ANO4: variants seen among roughly 807,000 people sequenced by gnomAD.
ANO4 encodes anoctamin-4.
Under a neutral mutation model 141.9 loss-of-function variants are expected in ANO4, and 69 were observed. The ratio of observed to expected loss-of-function variants is 0.49; its 90% CI spans 0.40 to 0.59. The LOEUF (loss-of-function observed/expected upper bound fraction) is 0.59. ANO4 is among the 20% of genes least tolerant of loss of function. The probability of loss-of-function intolerance (pLI) is 0.00; values close to 1 mark genes in which losing one functional copy is unlikely to be tolerated. For synonymous variants in ANO4, 350 were observed against 394.3 expected, an observed-to-expected ratio of 0.89 and a Z score of 1.33; for missense variants, 894 against 1,162.2, an observed-to-expected ratio of 0.77 and a Z score of 3.36.
At chr12:100,812,841 G>A (rs1015402110) in intron 1 of ANO4, among the ~76,000 whole-genome samples, 1 of 152,184 alleles carries the variant, frequency 6.6e-6, no homozygotes, top group Non-Finnish European at 1.5e-5. Flanking sequence ...AGACAATTTT[G>A]TGTTAATAGC....
intron 1 of ANO4, among the ~76,000 whole-genome samples, chr12:100,872,223 T>A (rs1251498458): frequency 6.6e-6 from 1 of 152,208 alleles, no homozygotes; most frequent in Non-Finnish European, 1.5e-5. Context: ...TAAGACTTTG[T>A]TCCCACCTTT....
intron 1 of ANO4, among the ~76,000 whole-genome samples, chr12:100,728,361 G>A (rs2031231186): frequency 6.6e-6 from 1 of 152,196 alleles, no homozygotes; most frequent in African/African-American, 2.4e-5. Context: ...ATCTTGTTCT[G>A]TATGGAGCCT....
At chr12:100,952,378 T>A (rs1228686548) in intron 5 of ANO4, among the ~76,000 whole-genome samples, 1 of 152,222 alleles carries the variant, frequency 6.6e-6, no homozygotes, top group East Asian at 1.9e-4. Flanking sequence ...AATTACAATA[T>A]GCTTAGGAAA....
intron 15 of ANO4, among the ~76,000 whole-genome samples, chr12:101,079,805 A>G (rs1237512939): frequency 6.9e-6 from 1 of 145,378 alleles, no homozygotes. Flanking sequence ...GCTCTAGACA[A>G]AACTGCCAAG....
chr12:100,888,995 G>A (rs2135982708), intron 1 of ANO4, among the ~76,000 whole-genome samples: 1 of 150,626 alleles, frequency 6.6e-6, no homozygotes, highest in African/African-American at 2.4e-5. Flanking sequence ...TCGTCATTTA[G>A]CATTAGGTAT....
At chr12:100,741,557 C>T (rs1266190738) in intron 3 of ANO4, among the ~76,000 whole-genome samples, 1 of 152,092 alleles carries the variant, frequency 6.6e-6, no homozygotes, top group African/African-American at 2.4e-5. Context: ...GGACCCCCTC[C>T]AAAGGCTCTT....
chr12:101,085,384 A>G (rs1321291442), intron 16 of ANO4, among the ~76,000 whole-genome samples: 1 of 152,152 alleles, frequency 6.6e-6, no homozygotes, highest in Non-Finnish European at 1.5e-5. Context: ...TTTTTAAAAA[A>G]AGGTTAGTTG....
intron 1 of ANO4, among the ~76,000 whole-genome samples, chr12:100,872,998 C>A (rs543208697): frequency 6.6e-6 from 1 of 152,244 alleles, no homozygotes; most frequent in African/African-American, 2.4e-5. Flanking sequence ...GTGTGCAGCA[C>A]CTCCCTCTTG....
chr12:100,914,992 T>C (rs890084529), intron 2 of ANO4, among the ~76,000 whole-genome samples: 8 of 149,502 alleles, frequency 5.4e-5, no homozygotes, highest in African/African-American at 2.0e-4. Flanking sequence ...TTTTATTTTA[T>C]ATTTTTTTTT....
At chr12:100,981,624 T>C (rs958152541) in intron 7 of ANO4, among the ~76,000 whole-genome samples, 2 of 152,184 alleles carry the variant, frequency 1.3e-5, no homozygotes, top group Admixed American at 1.3e-4. Context: ...TGGGGAAAAG[T>C]AGGTGTCTTC....
rs979050878 is a variant in ANO4, at chr12:101,020,038, A to G, written c.739A>G (p.Ile247Val). The change falls in exon 9 of 28, where the codon ATC (isoleucine) becomes GTC (valine). Residue 247 changes from isoleucine to valine, a missense_variant. By Grantham distance (29) the Ile-to-Val change is conservative. Coordinates refer to ENST00000392977, the MANE Select transcript of ANO4 (RefSeq NM_001286615.2). ...ATTTTTAATATATGTATGCAGCTTCATCATACACAACAAAGAAACGTTCTT... is the reference window on the plus strand; with the variant it reads ...ATTTTTAATATATGTATGCAGCTTCGTCATACACAACAAAGAAACGTTCTT... ...PFSQQRIHHF[I>V]IHNKETFFNN... 1 of 1,603,978 alleles carries G rather than the reference A, an allele frequency of 6.2e-7. No individual in the cohort carries two copies. Among genetic ancestry groups the G allele is most frequent in the African/African-American group, 1.3e-5 (1 of 74,708 alleles).
Position 101,094,268 on chromosome 12 carries a change from G to A in ANO4, c.1714G>A (p.Val572Ile). Residue 572 changes from valine to isoleucine, a missense_variant, in exon 18 of 28, where the codon GTT becomes ATT. Val to Ile is a conservative substitution (Grantham distance 29). Transcript: ENST00000392977. ...ATTTATTTTACAGCTCTATGAAAAA[G>A]TTGCCCTGCTTCTGACGAATTTAGG... ...IMLLNVLYEK[V>I]ALLLTNLEQP... The A allele has an allele frequency of 6.2e-7, 1 of 1,611,334 alleles. No individual in the cohort carries two copies. Among genetic ancestry groups the A allele is most frequent in the South Asian group, 1.1e-5 (1 of 90,956 alleles).
chr12:101,025,910 T>C (rs1014821243), intron 9 of ANO4, among the ~76,000 whole-genome samples: 1 of 152,186 alleles, frequency 6.6e-6, no homozygotes, highest in Non-Finnish European at 1.5e-5. Flanking sequence ...AAACTACTAA[T>C]AGAAATTATC....
At chr12:100,754,527 A>G (rs2032525713) in intron 3 of ANO4, among the ~76,000 whole-genome samples, 1 of 152,150 alleles carries the variant, frequency 6.6e-6, no homozygotes, top group Non-Finnish European at 1.5e-5. Flanking sequence ...TAAGTAAAAC[A>G]TAGAATTACC....
intron 21 of ANO4, 107 bp downstream of exon 21, chr12:101,098,052 G>GT (rs2050053744): frequency 2.1e-6 from 2 of 953,900 alleles, no homozygotes; most frequent in Non-Finnish European, 1.6e-6. Context: ...AAGCCAGTGC[G>GT]TGCACCTGGA....
chr12:100,734,550 C>T (rs982213075), intron 2 of ANO4, among the ~76,000 whole-genome samples: 1 of 152,182 alleles, frequency 6.6e-6, no homozygotes, highest in African/African-American at 2.4e-5. Flanking sequence ...GCTCTTGACT[C>T]CCTGCATACA....
At chr12:100,720,108 G>A (rs1462490115) in intron 1 of ANO4, among the ~76,000 whole-genome samples, 2 of 152,122 alleles carry the variant, frequency 1.3e-5, no homozygotes, top group African/African-American at 4.8e-5. Context: ...AAGGATGGGA[G>A]ACAAGTATTT....
At chr12:100,783,376 A>T (rs2135586399) in intron 3 of ANO4, among the ~76,000 whole-genome samples, 1 of 152,238 alleles carries the variant, frequency 6.6e-6, no homozygotes, top group East Asian at 1.9e-4. Context: ...TCCTACCATA[A>T]CTATTTCATT....
intron 3 of ANO4, among the ~76,000 whole-genome samples, chr12:100,782,939 G>C (rs1007687811): frequency 6.6e-6 from 1 of 152,068 alleles, no homozygotes; most frequent in Non-Finnish European, 1.5e-5. Flanking sequence ...TCTTCACTTG[G>C]ATGCTTCATT....
Sources: allele counts gnomAD v4.1 joint callset (sites outside exome capture counted in the v4.1 genomes callset), GRCh38; gene constraint gnomAD v4.1.1; transcripts MANE v1.5; gene names NCBI Gene and HGNC (gene_info 2026-07-23, HGNC 2026-07-21).